Variants in GFM2 observed in about 807,000 individuals in gnomAD.
The protein encoded by GFM2 is ribosome-releasing factor 2, mitochondrial.
In GFM2, 72 loss-of-function variants were observed where a neutral mutation model predicts 95.4. The observed-to-expected ratio is 0.76, with a 90% CI of 0.62 to 0.92. The LOEUF (loss-of-function observed/expected upper bound fraction) is 0.92. Among genes scored for constraint, GFM2 ranks in the 40% least tolerant of loss-of-function variants. The pLI, the probability that GFM2 is intolerant of heterozygous loss-of-function variation, is 0.00. For missense variants in GFM2, 825 were observed against 924.1 expected, an observed-to-expected ratio of 0.89 and a Z score of 1.39; for synonymous variants, 276 against 317.5, an observed-to-expected ratio of 0.87 and a Z score of 1.39.
At chr5:74,757,731 T>TAAAAAAAAA (rs35313753) in intron 5 of GFM2, among the ~76,000 whole-genome samples, 1 of 89,166 alleles carries the variant, frequency 1.1e-5, no homozygotes, top group Non-Finnish European at 2.2e-5. Context: ...CCTATGTCTC[T>TAAAAAAAAA]AAAAAAAAAA....
intron 17 of GFM2, among the ~76,000 whole-genome samples, chr5:74,728,119 T>C (rs1291823828): frequency 6.6e-6 from 1 of 152,170 alleles, no homozygotes; most frequent in East Asian, 1.9e-4. Flanking sequence ...TTTGATCGTT[T>C]CTTGTTCCTT....
intron 11 of GFM2, among the ~76,000 whole-genome samples, chr5:74,740,991 G>A (rs1022186566): frequency 2.0e-5 from 3 of 152,074 alleles, no homozygotes; most frequent in African/African-American, 7.2e-5. Flanking sequence ...GAAAGTCCCT[G>A]GCAGAACAAA....
intron 11 of GFM2, among the ~76,000 whole-genome samples, chr5:74,740,994 A>G (rs1378070696): frequency 2.0e-5 from 3 of 152,210 alleles, no homozygotes; most frequent in African/African-American, 7.2e-5. Context: ...AGTCCCTGGC[A>G]GAACAAAACA....
intron 1 of GFM2, chr5:74,765,166 T>C (rs1580035785): frequency 9.3e-7 from 1 of 1,079,494 alleles, no homozygotes. Flanking sequence ...TAATAGACAT[T>C]TTCCTCTTCT....
chr5:74,750,746 T>G (rs755342222), intron 6 of GFM2, 79 bp from the exon 7 acceptor site: 38 of 972,134 alleles, frequency 3.9e-5, no homozygotes, highest in Admixed American at 2.8e-4. Context: ...ATCTCACTCC[T>G]GGGGAGGGGT....
chr5:74,751,751 T>C (rs970568490), intron 5 of GFM2, among the ~76,000 whole-genome samples: 1 of 152,192 alleles, frequency 6.6e-6, no homozygotes, highest in South Asian at 2.1e-4. Flanking sequence ...TTTTACTTAC[T>C]TACTTCTTTT....
intron 17 of GFM2, among the ~76,000 whole-genome samples, chr5:74,727,707 CCT>C (rs1280446698): frequency 6.6e-6 from 1 of 152,106 alleles, no homozygotes; most frequent in Non-Finnish European, 1.5e-5. Flanking sequence ...TTGACCATTT[CCT>C]CTCTCACACA....
chr5:74,725,815 G>T, intron 18 of GFM2, 60 bp from the exon 19 acceptor site: 3 of 1,453,526 alleles, frequency 2.1e-6, no homozygotes, highest in Non-Finnish European at 2.9e-6. Flanking sequence ...AAGTAACTGA[G>T]AAGTGCAAAG....
Position 74,758,861 on chromosome 5 carries a change from T to C in GFM2, c.292A>G (p.Arg98Gly), listed in dbSNP as rs772410310. 1.9e-6 allele frequency: 3 copies of C among 1,596,226 alleles called. No individual in the cohort carries two copies. Among genetic ancestry groups the C allele is most frequent in the Admixed American group, 1.7e-5 (1 of 59,878 alleles). ...AATCCATTCTAACCTCCCAGTGATC[T>C]TGTATATCCGGAATAGTACAATATT... ...ERILYYSGYT[R>G]SLGDVDDGDT... The change falls in exon 5 of 21, where the codon AGA becomes GGA. Residue 98 changes from arginine to glycine, a missense_variant. Coordinates refer to ENST00000296805, the MANE Select transcript of GFM2 (RefSeq NM_032380.5).
At chr5:74,737,036 C>G (rs1742871684) in intron 14 of GFM2, 51 bp from the exon 15 acceptor site, 1 of 1,578,634 alleles carries the variant, frequency 6.3e-7, no homozygotes, top group Admixed American at 1.7e-5. Flanking sequence ...AGCAAGCGCT[C>G]ATCTTACACC....
rs779954004 is a variant in GFM2 at position 74,759,412 on chromosome 5, C to A, written c.163G>T (p.Asp55Tyr). 5 of 1,522,812 alleles carry A rather than the reference C, an allele frequency of 3.3e-6. No homozygotes were observed. The highest frequency in any genetic ancestry group is 2.3e-5 in the South Asian group (2 of 87,286). The allele number at this position is 1,522,812 out of a possible 1,614,324, so 94.3% of individuals were successfully genotyped here. The change falls in exon 4 of 21, where the codon GAT (aspartate) becomes TAT (tyrosine). Residue 55 changes from aspartate (D) to tyrosine (Y), a missense_variant. Transcript: ENST00000296805. ...CSSLPGLIGN[D>Y]IKSLHSIINP... ...ATGATGGAATGAAGGGATTTGATATCATTTCCTATTAAGCCTAATGAAAAG... is the reference window on the plus strand; with the variant it reads ...ATGATGGAATGAAGGGATTTGATATAATTTCCTATTAAGCCTAATGAAAAG...
rs766526804 is a variant in GFM2 at position 74,738,382 on chromosome 5, T to C, written c.1256A>G (p.Asp419Gly). The stretch of plus-strand genomic sequence containing the variant: ...CAATGAAGGGATTTCTACATGTTGG[T>C]CAGCAAACGGCAAAAGCAGACGACT... ...RISRLLLPFA[D>G]QHVEIPSLTA... Residue 419 changes from aspartate (D) to glycine (G), a missense_variant, in exon 14 of 21, where the codon GAC (aspartate) becomes GGC (glycine). Transcript: ENST00000296805. 2.5e-6 allele frequency: 4 copies of C among 1,613,676 alleles called. No individual in the cohort carries two copies. Among genetic ancestry groups the C allele is most frequent in the Non-Finnish European group, 3.4e-6 (4 of 1,179,670 alleles).
At position 74,754,783 on chromosome 5, in the gene GFM2, C is replaced by T. The variant is rs186551626; in HGVS notation, c.305-3290G>A. On this transcript the variant is annotated intron_variant, in intron 5 of 20. Coordinates refer to ENST00000296805, the MANE Select transcript of GFM2 (RefSeq NM_032380.5). ...GTGGGGGACTTTAATACTCTACTGA[C>T]AGCACTAGACAGGTCATCAAGACAA... is the stretch of plus-strand genomic sequence containing the variant. Among the ~76,000 whole-genome samples, 32 of 152,272 alleles carry T rather than the reference C, an allele frequency of 2.1e-4. No homozygotes were observed. The East Asian group carries it at 5.6e-3, about 27-fold the overall frequency.
In GFM2 at chr5:74,739,396, G is replaced by A. The variant is rs115208747; in HGVS notation, c.1079+593C>T. Among the ~76,000 whole-genome samples, 717 of 152,202 alleles carry A rather than the reference G, an allele frequency of 4.7e-3. 4 individuals carry two copies. Among genetic ancestry groups the A allele is most frequent in the Non-Finnish European group, 7.9e-3 (536 of 67,994 alleles). ...CCTATTCTTTGCATTTTATAGATGA[G>A]ATGTTAAGGAACTTGGAAAAGCTAG... is the stretch of plus-strand genomic sequence containing the variant. On this transcript the variant is annotated intron_variant, in intron 12 of 20. Transcript: ENST00000296805.
rs370262957 is a variant in GFM2, at chr5:74,742,729, C to T, written c.850-1120G>A. Reference sequence around the variant, plus strand: ...TCACCTAGGCTGGAGTGCAATGGTGCGATCTCAGCTCACTGCAACCTCTGC... The same window carrying T: ...TCACCTAGGCTGGAGTGCAATGGTGTGATCTCAGCTCACTGCAACCTCTGC... On this transcript the variant is annotated intron_variant, in intron 10 of 20. Transcript: ENST00000296805. Among the ~76,000 whole-genome samples, 4 of 151,438 alleles carry T rather than the reference C, an allele frequency of 2.6e-5. No homozygotes were observed. The South Asian group carries it at 6.2e-4, about 24-fold the overall frequency.
At chr5:74,763,807 G>A in intron 1 of GFM2, 41 bp from the exon 2 acceptor site, 1 of 1,172,736 alleles carries the variant, frequency 8.5e-7, no homozygotes, top group South Asian at 1.2e-5. Flanking sequence ...CTAAACTTAT[G>A]TATTACATGT....
chr5:74,723,598 G>A (rs192389282), intron 19 of GFM2, among the ~76,000 whole-genome samples: 1,651 of 151,666 alleles, frequency 0.011, 16 homozygotes, highest in Non-Finnish European at 0.015. Context: ...TTCTCTCTTC[G>A]AAACCTTTAA....
In GFM2 at chr5:74,767,012, A is replaced by G. The variant is rs930292019; in HGVS notation, c.-99T>C. On this transcript the variant is annotated 5_prime_UTR_variant, in exon 1 of 21. Coordinates refer to ENST00000296805, the MANE Select transcript of GFM2 (RefSeq NM_032380.5). ...AAGCAGGAGGCGCGAGCCGCGCCAA[A>G]GTCTGCAACGGCCTCAAGTCTCGAC... 4.0e-6 allele frequency: 1 copy of G among 249,352 alleles called. No homozygotes were observed. Among genetic ancestry groups the G allele is most frequent in the Admixed American group, 5.0e-5 (1 of 19,812 alleles). 15.4% of individuals were successfully genotyped at this position (249,352 alleles called of 1,614,324 possible). A position where few individuals can be genotyped will look rare whatever the true frequency, so the allele number is the denominator to read the frequency against.
At position 74,732,169 on chromosome 5, in the gene GFM2, C is replaced by T. The variant is rs982694914; in HGVS notation, c.1587+853G>A. Among the ~76,000 whole-genome samples the T allele has an allele frequency of 3.4e-4, 45 of 131,634 alleles. 1 individual carries two copies. Among genetic ancestry groups the T allele is most frequent in the Non-Finnish European group, 6.7e-4 (42 of 63,062 alleles). The allele number at this position is 131,634 out of a possible 152,430, so 86.4% of individuals were successfully genotyped here. A position where few individuals can be genotyped will look rare whatever the true frequency, so the allele number is the denominator to read the frequency against. On this transcript the variant is annotated intron_variant, in intron 16 of 20. Coordinates refer to ENST00000296805, the MANE Select transcript of GFM2 (RefSeq NM_032380.5). The stretch of plus-strand genomic sequence containing the variant: ...TTTTTTTTTGTAGAGACAGGGTTTC[C>T]TTATGTTGCCCAGGCTGGTCTTGAA...
Sources: allele counts gnomAD v4.1 joint callset (sites outside exome capture counted in the v4.1 genomes callset), GRCh38; gene constraint gnomAD v4.1.1; transcripts MANE v1.5; gene names NCBI Gene and HGNC (gene_info 2026-07-23, HGNC 2026-07-21).